Variants in NLGN4X observed in about 807,000 individuals in gnomAD.
The protein encoded by NLGN4X is neuroligin 4 X-linked.
NLGN4X carries 3 observed loss-of-function variants against 40.3 expected under a neutral mutation model. The observed-to-expected ratio is 0.07, with a 90% CI of 0.03 to 0.19. The LOEUF (loss-of-function observed/expected upper bound fraction) is 0.19. NLGN4X is among the 10% of genes least tolerant of loss of function. The pLI, the probability that NLGN4X is intolerant of heterozygous loss-of-function variation, is 1.00. For missense variants in NLGN4X, 382 were observed against 708.3 expected, an observed-to-expected ratio of 0.54 and a Z score of 5.23; for synonymous variants, 270 against 306.8, an observed-to-expected ratio of 0.88 and a Z score of 1.25.
At chrX:6,058,125 T>C (rs2147318156) in intron 2 of NLGN4X, among the ~76,000 whole-genome samples, 1 of 110,922 alleles carries the variant, frequency 9.0e-6, no homozygotes, top group East Asian at 2.8e-4. Flanking sequence ...AAAAAAGGCC[T>C]TTCAGTAAGC....
intron 2 of NLGN4X, among the ~76,000 whole-genome samples, chrX:6,100,897 C>A (rs949800241): frequency 1.3e-4 from 14 of 110,879 alleles, no homozygotes; most frequent in African/African-American, 4.6e-4. Flanking sequence ...CTGATCAACT[C>A]CTTTCTCCTC....
intron 3 of NLGN4X, among the ~76,000 whole-genome samples, chrX:5,949,386 A>G (rs2034233700): frequency 2.7e-5 from 3 of 111,752 alleles, no homozygotes; most frequent in Non-Finnish European, 5.6e-5. Flanking sequence ...GATGCCTTCC[A>G]GGGATAAAGA....
intron 1 of NLGN4X, among the ~76,000 whole-genome samples, chrX:6,228,070 T>C (rs1236225876): frequency 1.8e-5 from 2 of 110,590 alleles, no homozygotes; most frequent in Non-Finnish European, 3.8e-5. Context: ...TCTCTCCTTC[T>C]TCTCCCTGTA....
chrX:5,903,920 A>T (rs1406316849), intron 4 of NLGN4X, 54 bp from the exon 5 acceptor site: 5 of 1,179,875 alleles, frequency 4.2e-6, no homozygotes, highest in Non-Finnish European at 5.8e-6. Flanking sequence ...ACAGAAATGC[A>T]GCTTTTACTG....
chrX:6,097,987 T>G (rs1033790320), intron 2 of NLGN4X, among the ~76,000 whole-genome samples: 1 of 111,102 alleles, frequency 9.0e-6, no homozygotes, highest in Admixed American at 9.5e-5. Flanking sequence ...GAGAAGAAAA[T>G]AAACCAATTA....
intron 2 of NLGN4X, among the ~76,000 whole-genome samples, chrX:6,133,988 T>A (rs2039750828): frequency 9.0e-6 from 1 of 111,605 alleles, no homozygotes; most frequent in Non-Finnish European, 1.9e-5. Flanking sequence ...TTATTTGTGT[T>A]CCATTAAACC....
intron 3 of NLGN4X, among the ~76,000 whole-genome samples, chrX:5,994,865 C>T (rs1193684379): frequency 8.9e-6 from 1 of 112,112 alleles, no homozygotes; most frequent in Admixed American, 9.5e-5. Context: ...ACTCATACAA[C>T]TCATATAACT....
chrX:6,096,946 C>CGTGT (rs35895741), intron 2 of NLGN4X, among the ~76,000 whole-genome samples: 1,020 of 100,569 alleles, frequency 0.01, 8 homozygotes, highest in African/African-American at 0.026. Context: ...ATTTTCATAT[C>CGTGT]GTGTGTGTGT....
In NLGN4X at chrX:5,892,426, T is replaced by G. The variant is rs1247198781; in HGVS notation, c.*391A>C. On this transcript the variant is annotated 3_prime_UTR_variant, in exon 6 of 6. Coordinates refer to ENST00000381095, the MANE Select transcript of NLGN4X (RefSeq NM_181332.3). ...GAAATGTTTAAACTTCCATTGTAAT[T>G]AAAAAATATCAAGTGTCCTTGGCTG... is the stretch of plus-strand genomic sequence containing the variant. 1.0e-5 allele frequency: 2 copies of G among 195,815 alleles called. No individual in the cohort carries two copies. Among genetic ancestry groups the G allele is most frequent in the Admixed American group, 6.8e-5 (1 of 14,762 alleles). 16.1% of individuals were successfully genotyped at this position (195,815 alleles called of 1,213,427 possible). A position where few individuals can be genotyped will look rare whatever the true frequency, so the allele number is the denominator to read the frequency against.
At chrX:6,140,249 T>C (rs961781814) in intron 2 of NLGN4X, among the ~76,000 whole-genome samples, 1 of 111,488 alleles carries the variant, frequency 9.0e-6, no homozygotes, top group African/African-American at 3.3e-5. Flanking sequence ...TGAGGCAAAC[T>C]TGAGGACCGT....
intron 5 of NLGN4X, among the ~76,000 whole-genome samples, chrX:5,899,161 G>C (rs778745253): frequency 8.9e-6 from 1 of 112,356 alleles, no homozygotes; most frequent in South Asian, 3.7e-4. Flanking sequence ...GGAATCATTT[G>C]AGTCATTCTA....
intron 2 of NLGN4X, among the ~76,000 whole-genome samples, chrX:6,095,984 G>C (rs1235533912): frequency 2.7e-5 from 3 of 112,385 alleles, no homozygotes; most frequent in Non-Finnish European, 5.6e-5. Context: ...CAGGGCATCT[G>C]GAAATATTCT....
intron 2 of NLGN4X, among the ~76,000 whole-genome samples, chrX:6,035,507 T>C (rs748383694): frequency 1.8e-5 from 2 of 112,045 alleles, no homozygotes; most frequent in Non-Finnish European, 3.8e-5. Flanking sequence ...AGAGTTGAAA[T>C]TGATCTTTTT....
At chrX:5,941,221 G>GTGTT (rs2033935842) in intron 3 of NLGN4X, among the ~76,000 whole-genome samples, 1 of 102,396 alleles carries the variant, frequency 9.8e-6, no homozygotes, top group African/African-American at 3.9e-5. Flanking sequence ...GTGTGTGTGT[G>GTGTT]TGTGTGTGTG....
chrX:6,221,391 TTATATATATA>T (rs60897428), intron 1 of NLGN4X, among the ~76,000 whole-genome samples: 5,008 of 53,326 alleles, frequency 0.094, 637 homozygotes, highest in African/African-American at 0.35. Flanking sequence ...CCTTCTTATA[TTATATATATA>T]TATATATATA....
At chrX:5,998,118 T>C (rs2035881337) in intron 3 of NLGN4X, among the ~76,000 whole-genome samples, 1 of 111,294 alleles carries the variant, frequency 9.0e-6, no homozygotes, top group Non-Finnish European at 1.9e-5. Context: ...AATGTAATTG[T>C]GCATCTTTAG....
At chrX:6,021,462 C>A (rs1450199264) in intron 3 of NLGN4X, among the ~76,000 whole-genome samples, 1 of 110,648 alleles carries the variant, frequency 9.0e-6, no homozygotes, top group Non-Finnish European at 1.9e-5. Flanking sequence ...TCCTTAATTT[C>A]CCCTGACCTT....
intron 3 of NLGN4X, among the ~76,000 whole-genome samples, chrX:5,998,433 T>C (rs1242741614): frequency 3.7e-5 from 4 of 107,865 alleles, no homozygotes; most frequent in African/African-American, 1.4e-4. Flanking sequence ...AAAAAAGATA[T>C]ATAATTGTGC....
intron 1 of NLGN4X, among the ~76,000 whole-genome samples, chrX:6,217,422 G>A (rs193115009): frequency 1.2e-3 from 132 of 110,985 alleles, no homozygotes; most frequent in African/African-American, 4.1e-3. Flanking sequence ...ATTCACTTAC[G>A]GGAGGCTTAT....
Sources: allele counts gnomAD v4.1 joint callset (sites outside exome capture counted in the v4.1 genomes callset), GRCh38; gene constraint gnomAD v4.1.1; transcripts MANE v1.5; gene names NCBI Gene and HGNC (gene_info 2026-07-23, HGNC 2026-07-21).